The following LAMA2 variants were observed in gnomAD, a reference collection of about 807,000 sequenced individuals.
The protein encoded by LAMA2 is laminin subunit alpha-2.
LAMA2 carries 269 observed loss-of-function variants against 364.8 expected under a neutral mutation model. The observed-to-expected ratio is 0.74, with a 90% CI of 0.67 to 0.82. The LOEUF (loss-of-function observed/expected upper bound fraction) is 0.82. LAMA2 is among the 40% of genes least tolerant of loss of function. The pLI is 0.00. For synonymous variants in LAMA2, 1,379 were observed against 1,370.6 expected, an observed-to-expected ratio of 1.01 and a Z score of -0.14; for missense variants, 3,807 against 3,873.2, an observed-to-expected ratio of 0.98 and a Z score of 0.45.
At chr6:129,127,713 A>C (rs1777197044) in intron 4 of LAMA2, among the ~76,000 whole-genome samples, 1 of 152,154 alleles carries the variant, frequency 6.6e-6, no homozygotes, top group Admixed American at 6.5e-5. Flanking sequence ...ACCTATTCTG[A>C]CAGGTGTGAG....
At chr6:129,492,270 C>T (rs1422149469) in intron 57 of LAMA2, 45 bp from the exon 58 acceptor site, 2 of 1,593,536 alleles carry the variant, frequency 1.3e-6, no homozygotes, top group Admixed American at 3.3e-5. Context: ...TGTAAGGAAG[C>T]AAAAAAACGA....
intron 17 of LAMA2, among the ~76,000 whole-genome samples, chr6:129,275,679 A>G (rs1418188871): frequency 1.3e-5 from 2 of 151,206 alleles, no homozygotes; most frequent in African/African-American, 4.9e-5. Context: ...TTAACTAAAT[A>G]CCTTTCACGT....
intron 1 of LAMA2, chr6:128,929,848 C>T (rs778250351): frequency 2.8e-5 from 29 of 1,018,676 alleles, no homozygotes; most frequent in Middle Eastern, 2.9e-4. Flanking sequence ...AAGTGAAAAA[C>T]TTGCCTGAAG....
At chr6:129,285,948 C>T (rs1789081721) in intron 18 of LAMA2, among the ~76,000 whole-genome samples, 1 of 152,026 alleles carries the variant, frequency 6.6e-6, no homozygotes, top group African/African-American at 2.4e-5. Context: ...TATGATAAAA[C>T]ATCAAATCTA....
chr6:129,158,733 A>G (rs1779276615), intron 8 of LAMA2: 1 of 1,614,102 alleles, frequency 6.2e-7, no homozygotes, highest in African/African-American at 1.3e-5. Flanking sequence ...TACTGGTTAC[A>G]TAAATTGGTC....
Position 129,473,352 on chromosome 6 carries a change from G to A in LAMA2, c.7439G>A (p.Ser2480Asn). The A allele has an allele frequency of 6.2e-7, 1 of 1,611,942 alleles. No homozygotes were observed. The highest frequency in any genetic ancestry group is 8.5e-7 in the Non-Finnish European group (1 of 1,178,590). ...FGGLPTLRNL[S>N]MKARPEVNLK... is the part of the protein sequence containing the mutation. ...GGCCTGCCAACGCTGAGAAACTTGA[G>A]GTAATTTAGTTTATATGTAAAGCTA... Residue 2480 changes from serine to asparagine, a missense_variant and splice_region_variant, in exon 52 of 65, where the codon AGT (serine) becomes AAT (asparagine). Around this residue, in one of 3 missense-constraint regions of LAMA2, gnomAD observed 3,333 missense variants for 3,345.7 expected, o/e 1.00. Transcript: ENST00000421865.
chr6:128,888,014 G>T (rs1054986195), intron 1 of LAMA2, among the ~76,000 whole-genome samples: 3 of 152,174 alleles, frequency 2.0e-5, no homozygotes, highest in African/African-American at 4.8e-5. Context: ...ATTGTAAATG[G>T]TTGCACAAGT....
chr6:128,919,075 G>A (rs1195535498), intron 1 of LAMA2, among the ~76,000 whole-genome samples: 1 of 152,136 alleles, frequency 6.6e-6, no homozygotes, highest in Non-Finnish European at 1.5e-5. Flanking sequence ...GACTCATGAT[G>A]TTTCTCCTCT....
At chr6:129,325,636 G>A (rs149247694) in intron 28 of LAMA2, among the ~76,000 whole-genome samples, 39 of 151,570 alleles carry the variant, frequency 2.6e-4, no homozygotes, top group African/African-American at 9.0e-4. Flanking sequence ...TAATCCATCA[G>A]GATACGAAAT....
intron 53 of LAMA2, among the ~76,000 whole-genome samples, 185 bp downstream of exon 53, chr6:129,475,586 G>A (rs560544992): frequency 6.6e-6 from 1 of 151,686 alleles, no homozygotes; most frequent in East Asian, 1.9e-4. Flanking sequence ...ACATTCTGCT[G>A]CTTACCCACC....
chr6:129,398,940 T>A (rs939441666), intron 37 of LAMA2, among the ~76,000 whole-genome samples: 3 of 152,250 alleles, frequency 2.0e-5, no homozygotes, highest in Admixed American at 6.5e-5. Context: ...ATGCACGGGC[T>A]GATAAACATA....
At position 129,177,771 on chromosome 6, in the gene LAMA2, A is replaced by C. The variant is rs1780687955; in HGVS notation, c.1372A>C (p.Arg458=). Reference sequence around the variant, plus strand: ...AGGTGTGAGCTGTGATCGGTGTGCCAGGGGCTACACTGGCTACCCGGACTG... The same window carrying C: ...AGGTGTGAGCTGTGATCGGTGTGCCCGGGGCTACACTGGCTACCCGGACTG... ...FGGVSCDRCA[R]GYTGYPDCKA... is the part of the protein sequence containing the mutation. Residue 458 remains arginine, a synonymous_variant, in exon 10 of 65, where the codon AGG becomes CGG. Transcript: ENST00000421865. 6 of 1,613,862 alleles carry C rather than the reference A, an allele frequency of 3.7e-6. No individual in the cohort carries two copies. The East Asian group carries it at 1.3e-4, about 36-fold the overall frequency.
chr6:129,500,757 T>C (rs1785568667), intron 58 of LAMA2, among the ~76,000 whole-genome samples: 1 of 152,188 alleles, frequency 6.6e-6, no homozygotes, highest in African/African-American at 2.4e-5. Flanking sequence ...GATACACCTG[T>C]CCAGTCTACC....
At chr6:129,299,166 G>T (rs1274396522) in intron 21 of LAMA2, among the ~76,000 whole-genome samples, 1 of 151,794 alleles carries the variant, frequency 6.6e-6, no homozygotes, top group Non-Finnish European at 1.5e-5. Context: ...CACAAAACAG[G>T]AAGAATAGTA....
chr6:129,185,819 T>C (rs1330054116), intron 10 of LAMA2, among the ~76,000 whole-genome samples: 1 of 151,900 alleles, frequency 6.6e-6, no homozygotes, highest in Non-Finnish European at 1.5e-5. Context: ...ATGACTATTA[T>C]AGTTCATATT....
At chr6:129,282,242 T>C (rs950485835) in intron 18 of LAMA2, among the ~76,000 whole-genome samples, 1 of 152,204 alleles carries the variant, frequency 6.6e-6, no homozygotes, top group African/African-American at 2.4e-5. Flanking sequence ...AGAAATCTGT[T>C]CAATTTGTTT....
At chr6:129,096,750 G>A (rs773613981) in intron 3 of LAMA2, among the ~76,000 whole-genome samples, 2 of 152,120 alleles carry the variant, frequency 1.3e-5, no homozygotes, top group Non-Finnish European at 2.9e-5. Flanking sequence ...TCCACTAGTT[G>A]TTCCACAACT....
At chr6:129,223,526 G>A (rs926388630) in intron 12 of LAMA2, among the ~76,000 whole-genome samples, 1 of 152,180 alleles carries the variant, frequency 6.6e-6, no homozygotes, top group Non-Finnish European at 1.5e-5. Flanking sequence ...TGTATAAGGT[G>A]TAAGGAAGGG....
chr6:129,376,703 A>G (rs1778394580), intron 34 of LAMA2, among the ~76,000 whole-genome samples: 1 of 152,100 alleles, frequency 6.6e-6, no homozygotes, highest in South Asian at 2.1e-4. Context: ...CATTTTGTTA[A>G]TTTCTGTTAA....
Sources: allele counts gnomAD v4.1 joint callset (sites outside exome capture counted in the v4.1 genomes callset), GRCh38; gene constraint gnomAD v4.1.1; regional missense constraint gnomAD v4.1.1; transcripts MANE v1.5; gene names NCBI Gene and HGNC (gene_info 2026-07-23, HGNC 2026-07-21).